CHST8: variants seen among roughly 807,000 people sequenced by gnomAD.
CHST8 encodes carbohydrate sulfotransferase 8, also known as GALNAC-4-ST1.
Under a neutral mutation model 15.0 loss-of-function variants are expected in CHST8, and 10 were observed. That is an observed-to-expected ratio of 0.67 (90% CI 0.41 to 1.13). CHST8 has a LOEUF of 1.13. Ranked by LOEUF, CHST8 falls within the 50% of genes most tolerant of loss-of-function variation. The probability of loss-of-function intolerance (pLI) is 0.00; values close to 1 mark genes in which losing one functional copy is unlikely to be tolerated. For missense variants in CHST8, 634 were observed against 608.2 expected (o/e 1.04, Z -0.45); for synonymous variants, 259 against 256.6 (o/e 1.01, Z -0.09).
At chr19:33,624,750 G>C (rs191547342) in intron 1 of CHST8, among the ~76,000 whole-genome samples, 245 of 152,324 alleles carry the variant, frequency 1.6e-3, no homozygotes, top group African/African-American at 2.6e-3. Flanking sequence ...AGCCTGATAG[G>C]CTTTTTGTGG....
intron 3 of CHST8, among the ~76,000 whole-genome samples, chr19:33,765,020 T>C (rs1270883376): frequency 7.2e-6 from 1 of 138,438 alleles, no homozygotes; most frequent in Non-Finnish European, 1.5e-5. Flanking sequence ...ATGCCATTAA[T>C]TCATTCCTTT....
intron 1 of CHST8, among the ~76,000 whole-genome samples, chr19:33,649,986 A>C (rs1972412782): frequency 6.6e-6 from 1 of 152,216 alleles, no homozygotes; most frequent in Non-Finnish European, 1.5e-5. Flanking sequence ...TAGTATAAAA[A>C]GTGTAGGGGT....
intron 3 of CHST8, among the ~76,000 whole-genome samples, chr19:33,747,523 C>T (rs1256833450): frequency 1.3e-5 from 2 of 152,044 alleles, no homozygotes; most frequent in East Asian, 3.9e-4. Context: ...ATAAACAATA[C>T]GTTGCTTAGG....
At chr19:33,709,537 C>G (rs1015658030) in intron 3 of CHST8, among the ~76,000 whole-genome samples, 4 of 151,946 alleles carry the variant, frequency 2.6e-5, no homozygotes, top group African/African-American at 9.7e-5. Flanking sequence ...ACATTAGCCT[C>G]ACATTCTTGT....
intron 3 of CHST8, among the ~76,000 whole-genome samples, chr19:33,725,291 C>G (rs371749699): frequency 6.6e-6 from 1 of 152,156 alleles, no homozygotes; most frequent in African/African-American, 2.4e-5. Flanking sequence ...CACTCACCCC[C>G]CAGGGGCATC....
chr19:33,626,489 G>A (rs1285620031), intron 1 of CHST8, among the ~76,000 whole-genome samples: 1 of 152,328 alleles, frequency 6.6e-6, no homozygotes, highest in African/African-American at 2.4e-5. Context: ...GTGATCCCCA[G>A]TGTTAGAGGT....
Position 33,657,184 on chromosome 19 carries a change from C to T in CHST8, c.-163-10583C>T, listed in dbSNP as rs1972520533. Among the ~76,000 whole-genome samples the T allele has an allele frequency of 3.3e-5, 5 of 151,230 alleles. No homozygotes were observed. The South Asian group carries it at 1.0e-3, about 32-fold the overall frequency. ...ACACACATATACTTATACACACATA[C>T]ACATACACACATACATATACATACA... is the stretch of plus-strand genomic sequence containing the variant. On this transcript the variant is annotated intron_variant, in intron 1 of 4. Coordinates refer to ENST00000650847, the MANE Select transcript of CHST8 (RefSeq NM_001127895.2).
chr19:33,664,409 A>G (rs1024884231), intron 1 of CHST8, among the ~76,000 whole-genome samples: 3 of 147,204 alleles, frequency 2.0e-5, no homozygotes, highest in Admixed American at 6.7e-5. Flanking sequence ...AGCATTAGGT[A>G]TATCTCCCAG....
chr19:33,636,105 A>C (rs1012591002), intron 1 of CHST8, among the ~76,000 whole-genome samples: 2 of 151,856 alleles, frequency 1.3e-5, no homozygotes, highest in African/African-American at 2.4e-5. Context: ...AAAAAAAAAA[A>C]AAACCTCTTG....
intron 1 of CHST8, among the ~76,000 whole-genome samples, chr19:33,645,517 G>T (rs1342404124): frequency 1.3e-5 from 2 of 152,180 alleles, no homozygotes; most frequent in Admixed American, 1.3e-4. Context: ...TTCCTGATGG[G>T]TTAGATGGGG....
intron 1 of CHST8, among the ~76,000 whole-genome samples, chr19:33,650,156 G>A (rs954545430): frequency 2.6e-5 from 4 of 152,168 alleles, no homozygotes; most frequent in Non-Finnish European, 5.9e-5. Flanking sequence ...GAGTCCTGCT[G>A]TAGTCACTCT....
At chr19:33,693,100 G>C (rs1474337966) in intron 3 of CHST8, among the ~76,000 whole-genome samples, 2 of 150,672 alleles carry the variant, frequency 1.3e-5, no homozygotes, top group Non-Finnish European at 2.9e-5. Flanking sequence ...TCCACCTCCT[G>C]AGTTCAAGCA....
intron 1 of CHST8, among the ~76,000 whole-genome samples, chr19:33,650,380 A>ACTAT (rs1459029428): frequency 6.6e-6 from 1 of 152,048 alleles, no homozygotes; most frequent in East Asian, 1.9e-4. Context: ...GAGTTGTGAG[A>ACTAT]CTATCTATTC....
intron 2 of CHST8, among the ~76,000 whole-genome samples, chr19:33,677,851 A>C (rs760242556): frequency 2.8e-4 from 43 of 152,198 alleles, no homozygotes; most frequent in Non-Finnish European, 2.5e-4. Flanking sequence ...GAGACTGGGC[A>C]CGGGAGGTTG....
intron 3 of CHST8, among the ~76,000 whole-genome samples, chr19:33,759,916 A>G (rs910844861): frequency 1.3e-5 from 2 of 152,170 alleles, no homozygotes; most frequent in African/African-American, 4.8e-5. Flanking sequence ...CACGGAAATC[A>G]GCAAACACTG....
chr19:33,712,682 T>C (rs73033189), intron 3 of CHST8, among the ~76,000 whole-genome samples: 22,109 of 152,142 alleles, frequency 0.15, 1,720 homozygotes, highest in African/African-American at 0.19. Context: ...GGCCTTGCAC[T>C]GCAGCGGCAG....
intron 1 of CHST8, among the ~76,000 whole-genome samples, chr19:33,664,096 C>T (rs1443451160): frequency 1.3e-5 from 2 of 152,104 alleles, no homozygotes; most frequent in African/African-American, 2.4e-5. Context: ...TGCCAATGAT[C>T]GCAGTTCGGA....
intron 3 of CHST8, among the ~76,000 whole-genome samples, chr19:33,754,937 G>A (rs1019337607): frequency 3.3e-5 from 5 of 152,172 alleles, no homozygotes; most frequent in African/African-American, 9.7e-5. Context: ...GAGAGATGCC[G>A]GCTCAGGGGC....
intron 3 of CHST8, among the ~76,000 whole-genome samples, chr19:33,751,527 A>G (rs1460212201): frequency 6.6e-6 from 1 of 152,210 alleles, no homozygotes; most frequent in African/African-American, 2.4e-5. Flanking sequence ...GCCCAAGGCC[A>G]AGACCCTGGC....
Sources: allele counts gnomAD v4.1 joint callset (sites outside exome capture counted in the v4.1 genomes callset), GRCh38; gene constraint gnomAD v4.1.1; transcripts MANE v1.5; gene names NCBI Gene and HGNC (gene_info 2026-07-23, HGNC 2026-07-21).